The following CD63 variants were observed in gnomAD, a reference collection of about 807,000 sequenced individuals.
CD63 encodes the protein CD63 antigen.
A neutral mutation model predicts 29.2 loss-of-function variants in CD63; 16 were observed. The ratio of observed to expected loss-of-function variants is 0.55; its 90% CI spans 0.37 to 0.83. CD63 has a LOEUF of 0.83. Among genes scored for constraint, CD63 ranks in the 40% least tolerant of loss-of-function variants. CD63 has a pLI of 0.00. For synonymous variants in CD63, 118 were observed against 111.7 expected (o/e 1.06, Z -0.36); for missense variants, 251 against 297.3 (o/e 0.84, Z 1.15).
In CD63 at chr12:55,728,130, G is replaced by T; in HGVS notation, c.66+146C>A. Reference sequence around the variant, plus strand: ...TCAGGTGTCCAGGAAAACTGGAGGAGGGAGTGGCTGCGCTGTCTTTCCCTG... The same window carrying T: ...TCAGGTGTCCAGGAAAACTGGAGGATGGAGTGGCTGCGCTGTCTTTCCCTG... On this transcript the variant is annotated intron_variant, in intron 2 of 7. Coordinates refer to ENST00000257857, the MANE Select transcript of CD63 (RefSeq NM_001780.6). This position sits in a 1 kb window ranked among gnomAD's most constrained non-coding sequence, Gnocchi z 4.8. 2.4e-6 allele frequency: 2 copies of T among 825,826 alleles called. No individual in the cohort carries two copies. The highest frequency in any genetic ancestry group is 1.6e-5 in the South Asian group (1 of 61,488). 51.2% of individuals were successfully genotyped at this position (825,826 alleles called of 1,614,324 possible). A position where few individuals can be genotyped will look rare whatever the true frequency, so the allele number is the denominator to read the frequency against.
chr12:55,728,993 C>G lies in CD63; in HGVS notation c.-52G>C. 5 of 985,460 alleles carry G rather than the reference C, an allele frequency of 5.1e-6. No homozygotes were observed. Among genetic ancestry groups the G allele is most frequent in the Non-Finnish European group, 6.0e-6 (5 of 830,062 alleles). 61.0% of individuals were successfully genotyped at this position (985,460 alleles called of 1,614,324 possible). A position where few individuals can be genotyped will look rare whatever the true frequency, so the allele number is the denominator to read the frequency against. ...CTGGCTGCGCGTTCCTCTCCCGCCG[C>G]GGCTCCGGGGCTCTCTAGCTGCGCC... On this transcript the variant is annotated 5_prime_UTR_variant, in exon 1 of 8. Coordinates refer to ENST00000257857, the MANE Select transcript of CD63 (RefSeq NM_001780.6). The surrounding 1 kb of genome is among the most constrained non-coding windows in gnomAD (Gnocchi z 4.8).
chr12:55,729,144 C>T, upstream of CD63: 1 of 985,224 alleles, frequency 1.0e-6, no homozygotes, highest in African/African-American at 1.7e-5. Flanking sequence ...AGTCACTGGG[C>T]CCGGCGCGGG....
chr12:55,729,175 G>A (rs1877747450), upstream of CD63: 2 of 976,190 alleles, frequency 2.0e-6, no homozygotes, highest in East Asian at 2.3e-4. Context: ...CCCCCCGCCC[G>A]GCCAGGGCCA....
intron 5 of CD63, chr12:55,726,463 C>T: frequency 1.6e-6 from 1 of 625,416 alleles, no homozygotes; most frequent in South Asian, 2.0e-5. Context: ...TCCTGCCTCA[C>T]CCTCCTGAGT....
intron 7 of CD63, 69 bp from the exon 8 acceptor site, chr12:55,725,695 A>C: frequency 6.5e-7 from 1 of 1,533,932 alleles, no homozygotes; most frequent in Non-Finnish European, 9.0e-7. Flanking sequence ...CCCATGCAAG[A>C]GACTCCAAAC....
In CD63 at chr12:55,725,812, C is replaced by T; in HGVS notation, c.651+1G>A. 1 of 1,613,870 alleles carries T rather than the reference C, an allele frequency of 6.2e-7. No individual in the cohort carries two copies. The highest frequency in any genetic ancestry group is 8.5e-7 in the Non-Finnish European group (1 of 1,179,790). ...AGCCCCTGCTCAGGGTTATCTCTTA[C>T]CTCGACAAAAGCAATTCCAAGGGCT... On this transcript the variant is annotated splice_donor_variant, in intron 7 of 7. Transcript: ENST00000257857. LOFTEE classifies it high-confidence loss of function.
At chr12:55,729,044 G>C, upstream of CD63, 1 of 985,172 alleles carries the variant, frequency 1.0e-6, no homozygotes. Context: ...CGCCTGCCGC[G>C]CGGCCCCGCC....
chr12:55,727,148 C>T lies in CD63; in HGVS notation c.255+3G>A. The T allele has an allele frequency of 6.2e-7, 1 of 1,611,986 alleles. No homozygotes were observed. The highest frequency in any genetic ancestry group is 1.7e-5 in the Admixed American group (1 of 59,936). Reference sequence around the variant, plus strand: ...GCCCATGTTGGTCCCGCCCCCAACTCACCGTGATCATAAGACAATAGTTCT... The same window carrying T: ...GCCCATGTTGGTCCCGCCCCCAACTTACCGTGATCATAAGACAATAGTTCT... On this transcript the variant is annotated splice_donor_region_variant and intron_variant, in intron 3 of 7. Coordinates refer to ENST00000257857, the MANE Select transcript of CD63 (RefSeq NM_001780.6).
chr12:55,728,907 T>A lies in CD63; in HGVS notation c.-12+46A>T, dbSNP rs1289642497. On this transcript the variant is annotated intron_variant, in intron 1 of 7. Coordinates refer to ENST00000257857, the MANE Select transcript of CD63 (RefSeq NM_001780.6). This position sits in a 1 kb window ranked among gnomAD's most constrained non-coding sequence, Gnocchi z 4.8. The stretch of plus-strand genomic sequence containing the variant: ...CCCTGGAGGAAGGGACTGCGGGTGG[T>A]CTCTCCCAGCCCGCGCCGAAGTCCG... The A allele has an allele frequency of 2.0e-6, 2 of 986,174 alleles. No individual in the cohort carries two copies. Among genetic ancestry groups the A allele is most frequent in the Non-Finnish European group, 2.4e-6 (2 of 830,434 alleles). 61.1% of individuals were successfully genotyped at this position (986,174 alleles called of 1,614,324 possible).
At chr12:55,729,506 G>C (rs1285588386), upstream of CD63, 2 of 152,572 alleles carry the variant, frequency 1.3e-5, no homozygotes, top group African/African-American at 4.8e-5. Context: ...ATCCGACTGT[G>C]CAGACAGCTG....
downstream of CD63, chr12:55,723,790 G>T (rs1381054196): frequency 7.1e-7 from 1 of 1,414,942 alleles, no homozygotes; most frequent in Non-Finnish European, 9.9e-7. Flanking sequence ...CTTGTCCCTG[G>T]TCTGTGGTAA....
downstream of CD63, chr12:55,724,028 G>T (rs62638191): frequency 2.8e-4 from 453 of 1,611,424 alleles, no homozygotes; most frequent in Admixed American, 3.5e-4. Flanking sequence ...GGCCCACTAT[G>T]GGGGGGCCTT....
chr12:55,727,867 C>T (rs1877591681), intron 2 of CD63: 1 of 1,071,740 alleles, frequency 9.3e-7, no homozygotes, highest in African/African-American at 1.7e-5. Flanking sequence ...TCCTCACCCC[C>T]AAGCGCTGGG....
Position 55,726,874 on chromosome 12 carries a change from A to G in CD63, c.330+16T>C. 6.2e-7 allele frequency: 1 copy of G among 1,612,578 alleles called. No individual in the cohort carries two copies. ...GACCCGGCTGAGGCAGGCCCTTCCC[A>G]TTATTCCCTGCTTACCTTATCTCTA... On this transcript the variant is annotated intron_variant, in intron 4 of 7. Transcript: ENST00000257857.
intron 5 of CD63, 88 bp downstream of exon 5, chr12:55,726,612 T>C: frequency 9.3e-7 from 1 of 1,070,858 alleles, no homozygotes; most frequent in South Asian, 1.3e-5. Context: ...TCAAAAGTGC[T>C]GAGATTACAG....
At chr12:55,727,831 G>T in intron 2 of CD63, 1 of 1,041,368 alleles carries the variant, frequency 9.6e-7, no homozygotes, top group African/African-American at 1.7e-5. Flanking sequence ...CCCAGGGCAG[G>T]AGCAAATTGA....
chr12:55,728,958 C>A lies in CD63; in HGVS notation c.-17G>T. The A allele has an allele frequency of 1.0e-6, 1 of 985,440 alleles. No individual in the cohort carries two copies. The highest frequency in any genetic ancestry group is 1.2e-6 in the Non-Finnish European group (1 of 829,994). 61.0% of individuals were successfully genotyped at this position (985,440 alleles called of 1,614,324 possible). A position where few individuals can be genotyped will look rare whatever the true frequency, so the allele number is the denominator to read the frequency against. On this transcript the variant is annotated 5_prime_UTR_variant, in exon 1 of 8. Transcript: ENST00000257857. This position sits in a 1 kb window ranked among gnomAD's most constrained non-coding sequence, Gnocchi z 4.8. ...CCGGGTCCCCGCGGCCTCACCTGGG[C>A]TTCCCAAGGCTGGCTGCGCGTTCCT...
chr12:55,727,105 C>A, intron 3 of CD63, 46 bp downstream of exon 3: 1 of 1,590,300 alleles, frequency 6.3e-7, no homozygotes, highest in Non-Finnish European at 8.6e-7. Flanking sequence ...AACCAAGCTG[C>A]TCTGGCAGTC....
chr12:55,728,362 AG>A lies in CD63; in HGVS notation c.-11-11del. On this transcript the variant is annotated splice_polypyrimidine_tract_variant and intron_variant, in intron 1 of 7. Coordinates refer to ENST00000257857, the MANE Select transcript of CD63 (RefSeq NM_001780.6). This position sits in a 1 kb window ranked among gnomAD's most constrained non-coding sequence, Gnocchi z 4.8. ...GCCATGGCTGCCGGGCCTGGGGCAG[AG>A]GGGAGGGCGGGGGGATTAAAACTGG... The A allele has an allele frequency of 1.2e-6, 2 of 1,605,582 alleles. No homozygotes were observed. Among genetic ancestry groups the A allele is most frequent in the Non-Finnish European group, 1.7e-6 (2 of 1,176,804 alleles).
Sources: allele counts gnomAD v4.1 joint callset, GRCh38; gene constraint gnomAD v4.1.1; non-coding constraint Gnocchi (gnomAD v3.1); transcripts MANE v1.5; gene names NCBI Gene and HGNC (gene_info 2026-07-23, HGNC 2026-07-21).